The following DNAJC17 variants were observed in gnomAD, a reference collection of about 807,000 sequenced individuals.
DNAJC17 encodes the protein DnaJ heat shock protein family (Hsp40) member C17, also known as dnaJ homolog subfamily C member 17.
DNAJC17 carries 35 observed loss-of-function variants against 48.1 expected under a neutral mutation model. The ratio of observed to expected loss-of-function variants is 0.73; its 90% confidence interval spans 0.56 to 0.96. DNAJC17 has a LOEUF of 0.96. Among genes scored for constraint, DNAJC17 ranks in the 50% least tolerant of loss-of-function variants. DNAJC17 has a pLI of 0.00. For synonymous variants in DNAJC17, 117 were observed against 142.7 expected, an observed-to-expected ratio of 0.82 and a Z score of 1.28; for missense variants, 355 against 377.1, an observed-to-expected ratio of 0.94 and a Z score of 0.48.
At chr15:40,774,263 G>A in intron 9 of DNAJC17, 93 bp downstream of exon 9, 2 of 1,410,952 alleles carry the variant, frequency 1.4e-6, no homozygotes, top group Non-Finnish European at 2.0e-6. Flanking sequence ...CCCTAGGAGT[G>A]CAGACCACCT....
intron 1 of DNAJC17, among the ~76,000 whole-genome samples, chr15:40,793,212 G>C (rs982423276): frequency 6.6e-6 from 1 of 152,030 alleles, no homozygotes; most frequent in African/African-American, 2.4e-5. Flanking sequence ...CCTTCTAACT[G>C]CTGCAATATA....
At chr15:40,779,135 GT>G in intron 4 of DNAJC17, 87 bp downstream of exon 4, 1 of 1,354,054 alleles carries the variant, frequency 7.4e-7, no homozygotes, top group Non-Finnish European at 1.1e-6. Flanking sequence ...TTTGAGATGA[GT>G]TGCTGGAAGT....
rs1888995904 is a variant in DNAJC17 at position 40,767,980 on chromosome 15, G to T, written c.875C>A (p.Ala292Glu). The change falls in exon 11 of 11, where the codon GCA (alanine) becomes GAA (glutamate). Residue 292 changes from alanine (A) to glutamate (E), a missense_variant. Around this residue, in one of 3 missense-constraint regions of DNAJC17, gnomAD observed 88 missense variants for 67.7 expected, o/e 1.30. Transcript: ENST00000220496. ...RQAAERQQLIARMQQEDQEGP... is the reference protein window; with the variant it reads ...RQAAERQQLIERMQQEDQEGP... ...CTCCTGGTCTTCCTGCTGCATCCGT[G>T]CGATCAGCTGTTGCCGCTCGGCCGC... 1 of 1,611,034 alleles carries T rather than the reference G, an allele frequency of 6.2e-7. No individual in the cohort carries two copies. Among genetic ancestry groups the T allele is most frequent in the Non-Finnish European group, 8.5e-7 (1 of 1,179,248 alleles).
At chr15:40,798,890 C>G (rs779518518) in intron 1 of DNAJC17, among the ~76,000 whole-genome samples, 2 of 152,134 alleles carry the variant, frequency 1.3e-5, no homozygotes, top group African/African-American at 2.4e-5. Context: ...TTCTGGCAGC[C>G]GTGGTGCCCC....
rs1306907376 is a variant in DNAJC17, at chr15:40,773,768, G to A, written c.751C>T (p.Pro251Ser). ...PLKISWLEGQ[P>S]QDAVGRSHSG... ...TGGCTGCGGCCCACGGCATCCTGGG[G>A]CTGTCCCTCCAACCAGGAAATCTTC... Residue 251 changes from proline to serine, a missense_variant, in exon 10 of 11, where the codon CCC becomes TCC. Physicochemically the swap from Pro to Ser is moderately conservative, Grantham distance 74. Coordinates refer to ENST00000220496, the MANE Select transcript of DNAJC17 (RefSeq NM_018163.3). The A allele has an allele frequency of 1.9e-6, 3 of 1,614,008 alleles. No individual in the cohort carries two copies. In the East Asian group the frequency reaches 6.7e-5, roughly 36 times the overall value.
At chr15:40,796,959 G>A (rs1889952391) in intron 1 of DNAJC17, among the ~76,000 whole-genome samples, 1 of 152,024 alleles carries the variant, frequency 6.6e-6, no homozygotes, top group African/African-American at 2.4e-5. Context: ...TAGAGACAGG[G>A]TTTTGCCGTG....
At chr15:40,781,298 G>C (rs371120978) in intron 1 of DNAJC17, among the ~76,000 whole-genome samples, 1 of 151,830 alleles carries the variant, frequency 6.6e-6, no homozygotes, top group African/African-American at 2.4e-5. Context: ...TCAGGAGTTC[G>C]AGACCAGCCT....
At chr15:40,774,733 G>A (rs1052020189) in intron 8 of DNAJC17, among the ~76,000 whole-genome samples, 5 of 152,236 alleles carry the variant, frequency 3.3e-5, no homozygotes, top group Admixed American at 6.5e-5. Flanking sequence ...CGGGGCTTTC[G>A]TGCCAGATAC....
chr15:40,773,885 A>G, intron 9 of DNAJC17, 48 bp from the exon 10 acceptor site: 1 of 1,533,674 alleles, frequency 6.5e-7, no homozygotes, highest in Non-Finnish European at 8.9e-7. Context: ...AGTCAGCTAT[A>G]AAGAGGCTCT....
intron 1 of DNAJC17, chr15:40,807,116 C>A: frequency 1.1e-6 from 1 of 901,396 alleles, no homozygotes; most frequent in Non-Finnish European, 1.6e-6. Flanking sequence ...CCCGCGGCCT[C>A]TAGGAGACAG....
chr15:40,777,751 T>G (rs1410890391), intron 4 of DNAJC17, among the ~76,000 whole-genome samples: 1 of 151,826 alleles, frequency 6.6e-6, no homozygotes, highest in Non-Finnish European at 1.5e-5. Context: ...TGGACCATGC[T>G]GCTATAACCA....
chr15:40,774,376 ACT>A lies in DNAJC17; in HGVS notation c.659_660del (p.Glu220ValfsTer14). ...CTCACCGCTGCCTTGACGGTTGCAAACTCCACCACAGCAGTGCCTGGCTTCTT... is the reference window on the plus strand; with the variant it reads ...CTCACCGCTGCCTTGACGGTTGCAAACCACCACAGCAGTGCCTGGCTTCTT... Reference protein sequence around the residue: ...SSKKPGTAVVEFATVKAAELA... With the variant: ...SSKKPGTAVVXFATVKAAELA... On this transcript the variant is annotated frameshift_variant, in exon 9 of 11. Transcript: ENST00000220496. LOFTEE classifies it high-confidence loss of function. 1.9e-6 allele frequency: 3 copies of A among 1,613,894 alleles called. No homozygotes were observed. The highest frequency in any genetic ancestry group is 2.5e-6 in the Non-Finnish European group (3 of 1,179,984).
intron 1 of DNAJC17, among the ~76,000 whole-genome samples, chr15:40,790,934 G>A (rs1455449020): frequency 6.6e-6 from 1 of 152,182 alleles, no homozygotes; most frequent in Non-Finnish European, 1.5e-5. Context: ...TGGAGATACT[G>A]AGAGGACTTA....
intron 1 of DNAJC17, among the ~76,000 whole-genome samples, chr15:40,786,103 A>G (rs1169348229): frequency 6.6e-6 from 1 of 152,182 alleles, no homozygotes; most frequent in African/African-American, 2.4e-5. Flanking sequence ...ATGTAAACAC[A>G]ACTCTCCTAA....
intron 1 of DNAJC17, among the ~76,000 whole-genome samples, chr15:40,803,939 C>A (rs1890136484): frequency 6.6e-6 from 1 of 151,636 alleles, no homozygotes; most frequent in Non-Finnish European, 1.5e-5. Flanking sequence ...CTCCCACCCC[C>A]ACCCATTTTC....
At chr15:40,786,142 C>A (rs1889635757) in intron 1 of DNAJC17, among the ~76,000 whole-genome samples, 1 of 152,190 alleles carries the variant, frequency 6.6e-6, no homozygotes, top group Non-Finnish European at 1.5e-5. Context: ...CTTCCGGTCT[C>A]AATATTGTTT....
chr15:40,784,964 G>C (rs746642562), intron 1 of DNAJC17, among the ~76,000 whole-genome samples: 6 of 152,088 alleles, frequency 3.9e-5, no homozygotes, highest in Non-Finnish European at 5.9e-5. Context: ...TGGGCATGGT[G>C]GTGGGAGCCT....
At chr15:40,788,389 C>T (rs1012257012) in intron 1 of DNAJC17, among the ~76,000 whole-genome samples, 1 of 152,064 alleles carries the variant, frequency 6.6e-6, no homozygotes, top group African/African-American at 2.4e-5. Context: ...AAAGCGAACC[C>T]CACCTCTACA....
At chr15:40,776,838 G>T (rs1364535073) in intron 4 of DNAJC17, 9 of 552,948 alleles carry the variant, frequency 1.6e-5, no homozygotes, top group East Asian at 6.3e-5. Context: ...AGTGGCCAGG[G>T]GTCTGGAAGA....
Sources: gnomAD v4.1 joint callset for allele counts (sites outside exome capture counted in the v4.1 genomes callset) on GRCh38, gnomAD v4.1.1 for gene constraint, gnomAD v4.1.1 regional missense constraint, MANE v1.5 for transcripts, NCBI Gene and HGNC (gene_info 2026-07-23, HGNC 2026-07-21) for gene names.